The following CARMIL1 variants were observed in gnomAD, a reference collection of about 807,000 sequenced individuals.
The protein encoded by CARMIL1 is capping protein regulator and myosin 1 linker 1.
Under a neutral mutation model 177.1 loss-of-function variants are expected in CARMIL1, and 90 were observed. The observed-to-expected ratio is 0.51, with a 90% confidence interval of 0.43 to 0.61. CARMIL1 has a LOEUF of 0.61. Among genes scored for constraint, CARMIL1 ranks in the 20% least tolerant of loss-of-function variants. The pLI is 0.00. For synonymous variants in CARMIL1, 577 were observed against 606.2 expected, an observed-to-expected ratio of 0.95 and a Z score of 0.71; for missense variants, 1,380 against 1,667.0, an observed-to-expected ratio of 0.83 and a Z score of 3.00.
At chr6:25,293,664 C>T (rs916527118) in intron 2 of CARMIL1, among the ~76,000 whole-genome samples, 1 of 151,950 alleles carries the variant, frequency 6.6e-6, no homozygotes, top group Non-Finnish European at 1.5e-5. Context: ...CATATGCGAG[C>T]TGGTCTTCCC....
chr6:25,360,310 G>A (rs1789063868), intron 2 of CARMIL1, among the ~76,000 whole-genome samples: 1 of 152,204 alleles, frequency 6.6e-6, no homozygotes, highest in African/African-American at 2.4e-5. Flanking sequence ...AGAAAAGAGA[G>A]ACTGACTTTG....
intron 8 of CARMIL1, among the ~76,000 whole-genome samples, chr6:25,463,401 G>T (rs763537728): frequency 6.6e-6 from 1 of 152,094 alleles, no homozygotes; most frequent in Non-Finnish European, 1.5e-5. Context: ...GAGTATTGTG[G>T]TATGTAGAGA....
At chr6:25,389,921 T>G (rs1792577679) in intron 2 of CARMIL1, among the ~76,000 whole-genome samples, 1 of 152,230 alleles carries the variant, frequency 6.6e-6, no homozygotes, top group African/African-American at 2.4e-5. Flanking sequence ...GGAAGCATTT[T>G]ACTCTATTGT....
chr6:25,441,369 GTGTCTA>G (rs1300369826), intron 5 of CARMIL1, among the ~76,000 whole-genome samples: 63 of 144,678 alleles, frequency 4.4e-4, no homozygotes, highest in Non-Finnish European at 5.2e-4. Context: ...GTGTGTGTGT[GTGTCTA>G]TGTGTGTGTG....
intron 9 of CARMIL1, 42 bp from the exon 10 acceptor site, chr6:25,471,127 C>A: frequency 7.5e-7 from 1 of 1,332,522 alleles, no homozygotes; most frequent in Non-Finnish European, 1.1e-6. Flanking sequence ...AGTTTTTCTT[C>A]TTTAGAGTTA....
At chr6:25,340,940 G>A (rs530011163) in intron 2 of CARMIL1, among the ~76,000 whole-genome samples, 22 of 152,198 alleles carry the variant, frequency 1.4e-4, no homozygotes, top group Non-Finnish European at 3.2e-4. Context: ...GTACCAAAAG[G>A]AAGGAGTGTC....
chr6:25,420,005 C>A, intron 2 of CARMIL1, 109 bp from the exon 3 acceptor site: 2 of 804,304 alleles, frequency 2.5e-6, no homozygotes, highest in Non-Finnish European at 4.4e-6. Context: ...AGGAGCCAAG[C>A]CATGTGGCCT....
chr6:25,517,261 A>C (rs187147382), intron 21 of CARMIL1, 86 bp from the exon 22 acceptor site: 209 of 930,160 alleles, frequency 2.2e-4, no homozygotes, highest in Non-Finnish European at 3.3e-4. Flanking sequence ...ATATCTACAC[A>C]CTGCTGTCTA....
chr6:25,390,318 ATAT>A (rs556965943), intron 2 of CARMIL1, among the ~76,000 whole-genome samples: 3,347 of 43,386 alleles, frequency 0.077, 28 homozygotes, highest in East Asian at 0.13. Flanking sequence ...ATATATATAT[ATAT>A]TTTTTTTTTT....
intron 2 of CARMIL1, among the ~76,000 whole-genome samples, chr6:25,419,407 A>G (rs1795642658): frequency 6.6e-6 from 1 of 152,174 alleles, no homozygotes; most frequent in South Asian, 2.1e-4. Flanking sequence ...AGTAAGCTTC[A>G]TGGATGTGGG....
chr6:25,303,933 TGAGAA>T (rs907326767), intron 2 of CARMIL1, among the ~76,000 whole-genome samples: 3 of 152,268 alleles, frequency 2.0e-5, no homozygotes, highest in Admixed American at 6.5e-5. Flanking sequence ...GGGTTTGACT[TGAGAA>T]GAACAAATCA....
At chr6:25,299,443 A>G (rs888451507) in intron 2 of CARMIL1, among the ~76,000 whole-genome samples, 13 of 151,600 alleles carry the variant, frequency 8.6e-5, no homozygotes, top group Non-Finnish European at 1.0e-4. Context: ...AAGTGCTGGG[A>G]TTACAGGCCT....
At chr6:25,396,946 C>T (rs1793453287) in intron 2 of CARMIL1, among the ~76,000 whole-genome samples, 3 of 152,042 alleles carry the variant, frequency 2.0e-5, no homozygotes, top group Non-Finnish European at 4.4e-5. Flanking sequence ...TCTTCTGTAA[C>T]ACATGGGGCC....
rs534828880 is a variant in CARMIL1, at chr6:25,449,974, G to T, written c.448G>T (p.Val150Leu). 3 of 1,610,700 alleles carry T rather than the reference G, an allele frequency of 1.9e-6. No homozygotes were observed. In the South Asian group the frequency reaches 3.3e-5, roughly 18 times the overall value. ...CCAGGCGCTGTGGGACAGCCAGACCGTGGCTGAGCAGGGCCCCTGTGGTGA... is the reference window on the plus strand; with the variant it reads ...CCAGGCGCTGTGGGACAGCCAGACCTTGGCTGAGCAGGGCCCCTGTGGTGA... Reference protein sequence around the residue: ...SLQALWDSQTVAEQGPCGGFS... With the variant: ...SLQALWDSQTLAEQGPCGGFS... The change falls in exon 6 of 37, where the codon GTG becomes TTG. Residue 150 changes from valine to leucine, a missense_variant. Coordinates refer to ENST00000329474, the MANE Select transcript of CARMIL1 (RefSeq NM_017640.6).
intron 9 of CARMIL1, among the ~76,000 whole-genome samples, chr6:25,469,222 A>G (rs930547907): frequency 1.3e-5 from 2 of 152,216 alleles, no homozygotes; most frequent in Admixed American, 1.3e-4. Context: ...CAAACAGCAA[A>G]TAAGAATTAT....
At position 25,594,429 on chromosome 6, in the gene CARMIL1, C is replaced by A. The variant is rs772323680; in HGVS notation, c.3021C>A (p.Asn1007Lys). Residue 1007 changes from asparagine to lysine, a missense_variant, in exon 32 of 37, where the codon AAC (asparagine) becomes AAA (lysine). Transcript: ENST00000329474. The part of the protein sequence containing the change: ...QPTQAAVCAA[N>K]IVSQDGEQNG... ...TTGTTTTGCAGGTCTGTGCTGCCAA[C>A]ATAGTCTCACAAGATGGTGAACAGA... The A allele has an allele frequency of 9.9e-6, 16 of 1,610,744 alleles. No individual in the cohort carries two copies. The highest frequency in any genetic ancestry group is 1.3e-5 in the Non-Finnish European group (15 of 1,178,188).
chr6:25,390,318 A>ATTTTTT (rs1271192027), intron 2 of CARMIL1, among the ~76,000 whole-genome samples: 3 of 43,686 alleles, frequency 6.9e-5, no homozygotes, highest in East Asian at 5.1e-4. Context: ...ATATATATAT[A>ATTTTTT]TATTTTTTTT....
At chr6:25,567,274 C>T (rs1052596015) in intron 29 of CARMIL1, among the ~76,000 whole-genome samples, 4 of 152,134 alleles carry the variant, frequency 2.6e-5, no homozygotes, top group East Asian at 1.9e-4. Context: ...ACTGAGTGTT[C>T]GGTGGATAGT....
At chr6:25,443,928 G>T (rs372774512) in intron 5 of CARMIL1, among the ~76,000 whole-genome samples, 1 of 151,748 alleles carries the variant, frequency 6.6e-6, no homozygotes, top group African/African-American at 2.4e-5. Context: ...CTCAGCCTCC[G>T]GAGTAGCTGG....
Sources: allele counts gnomAD v4.1 joint callset (sites outside exome capture counted in the v4.1 genomes callset), GRCh38; gene constraint gnomAD v4.1.1; transcripts MANE v1.5; gene names NCBI Gene and HGNC (gene_info 2026-07-23, HGNC 2026-07-21).